The following RBM41 variants were observed in gnomAD, a reference collection of about 807,000 sequenced individuals.
RBM41 encodes RNA-binding protein 41.
In RBM41, 14 loss-of-function variants were observed where a neutral mutation model predicts 30.8. The observed-to-expected ratio is 0.45, with a 90% CI of 0.30 to 0.71. RBM41 has a LOEUF of 0.71. RBM41 is among the 30% of genes least tolerant of loss of function. The pLI is 0.08. For missense variants in RBM41, 276 were observed against 326.3 expected (o/e 0.85, Z 1.19); for synonymous variants, 120 against 110.1 (o/e 1.09, Z -0.56).
At chrX:107,052,976 C>T in the RBM41 span, among the ~76,000 whole-genome samples, 1 of 112,302 alleles carries the variant, frequency 8.9e-6, no homozygotes, top group Admixed American at 9.4e-5. Context: ...GTTAGCAAGT[C>T]TAAAGCTCTT....
At chrX:107,087,626 C>T (rs1426845435) in intron 6 of RBM41, among the ~76,000 whole-genome samples, 5 of 111,052 alleles carry the variant, frequency 4.5e-5, no homozygotes, top group East Asian at 5.6e-4. Flanking sequence ...TTTTTTGAGA[C>T]GAAGTCTCGG....
chrX:107,104,440 G>A (rs1015445340), intron 5 of RBM41, among the ~76,000 whole-genome samples: 3 of 110,741 alleles, frequency 2.7e-5, no homozygotes, highest in Non-Finnish European at 5.7e-5. Context: ...TCTTTTCTGT[G>A]TGTTTGAAAA....
At position 107,088,420 on chromosome X, in the gene RBM41, T is replaced by C. The variant is rs1051135978; in HGVS notation, c.999+16A>G. 1 of 1,187,941 alleles carries C rather than the reference T, an allele frequency of 8.4e-7. No homozygotes were observed. The highest frequency in any genetic ancestry group is 1.8e-5 in the African/African-American group (1 of 56,290). On this transcript the variant is annotated intron_variant, in intron 6 of 7. Coordinates refer to ENST00000685964, the MANE Select transcript of RBM41 (RefSeq NM_001324242.2). ...GCGAAATCAACCCAGGTTGTTTTAC[T>C]TGGTTTGGCCTATACCTTGTTTGGT...
At chrX:107,077,317 G>T (rs1298257041) in intron 6 of RBM41, among the ~76,000 whole-genome samples, 1 of 111,114 alleles carries the variant, frequency 9.0e-6, no homozygotes, top group African/African-American at 3.3e-5. Context: ...ATTTTTAGTA[G>T]AAATGGGGTT....
At chrX:107,077,346 T>C (rs1023129427) in intron 6 of RBM41, among the ~76,000 whole-genome samples, 2 of 111,245 alleles carry the variant, frequency 1.8e-5, no homozygotes, top group African/African-American at 3.3e-5. Context: ...TTAGCCAGGC[T>C]GGTCTCGAAT....
chrX:107,075,431 C>T (rs1363181141), intron 6 of RBM41, among the ~76,000 whole-genome samples: 1 of 111,619 alleles, frequency 9.0e-6, no homozygotes, highest in Non-Finnish European at 1.9e-5. Flanking sequence ...ACTAAAAAGC[C>T]CTGCACAGCA....
At chrX:107,071,148 C>A (rs1351091865) in intron 6 of RBM41, among the ~76,000 whole-genome samples, 1 of 106,595 alleles carries the variant, frequency 9.4e-6, no homozygotes, top group Non-Finnish European at 1.9e-5. Flanking sequence ...TTTTACCATG[C>A]CCTATACCTA....
intron 5 of RBM41, 30 bp from the exon 6 acceptor site, chrX:107,088,869 C>T (rs1397838418): frequency 8.6e-7 from 1 of 1,162,170 alleles, no homozygotes; most frequent in Admixed American, 2.5e-5. Context: ...TAGGGAAGTT[C>T]TACAAAGCCT....
chrX:107,057,039 T>A (rs1370794821), downstream of RBM41, among the ~76,000 whole-genome samples: 4 of 110,090 alleles, frequency 3.6e-5, no homozygotes, highest in Admixed American at 3.9e-4. Flanking sequence ...AGCTAATTTT[T>A]AAATTTTTTT....
chrX:107,081,397 C>A (rs950920819), intron 6 of RBM41, among the ~76,000 whole-genome samples: 2 of 111,743 alleles, frequency 1.8e-5, no homozygotes, highest in African/African-American at 3.2e-5. Context: ...TTTCCCTCAG[C>A]AACACCACAC....
intron 4 of RBM41, 129 bp downstream of exon 4, chrX:107,115,223 T>C (rs1319447451): frequency 3.9e-5 from 26 of 666,031 alleles, no homozygotes; most frequent in East Asian, 3.2e-4. Flanking sequence ...TATGGTATTA[T>C]ACATTTCTCA....
At chrX:107,052,947 G>T in the RBM41 span, among the ~76,000 whole-genome samples, 1 of 112,045 alleles carries the variant, frequency 8.9e-6, no homozygotes, top group Admixed American at 9.5e-5. Context: ...AAAATAAACA[G>T]GTTCCCCCTC....
intron 5 of RBM41, among the ~76,000 whole-genome samples, chrX:107,098,122 A>G (rs1257595562): frequency 8.9e-6 from 1 of 112,297 alleles, no homozygotes; most frequent in Non-Finnish European, 1.9e-5. Context: ...GAAGAAATAG[A>G]AAACAGAAAA....
intron 6 of RBM41, among the ~76,000 whole-genome samples, chrX:107,075,135 G>A (rs750461706): frequency 2.7e-4 from 30 of 111,955 alleles, no homozygotes; most frequent in African/African-American, 3.9e-4. Context: ...TCTTCTACAA[G>A]TGTCCCAAGA....
intron 5 of RBM41, among the ~76,000 whole-genome samples, chrX:107,108,959 A>C (rs774294899): frequency 3.0e-4 from 34 of 111,933 alleles, no homozygotes; most frequent in African/African-American, 1.0e-3. Flanking sequence ...ATTACAGTAG[A>C]AAGTATGGGA....
At chrX:107,052,180 A>AG in the RBM41 span, among the ~76,000 whole-genome samples, 1 of 111,795 alleles carries the variant, frequency 8.9e-6, no homozygotes, top group African/African-American at 3.3e-5. Context: ...ATACAAAGGG[A>AG]GGGGACCCAA....
chrX:107,084,929 A>C (rs1278916689), intron 6 of RBM41, among the ~76,000 whole-genome samples: 3 of 112,299 alleles, frequency 2.7e-5, no homozygotes, highest in Non-Finnish European at 3.8e-5. Context: ...GTTCAAAATT[A>C]TGTTTGTGAG....
chrX:107,090,731 G>C (rs1009620434), intron 5 of RBM41, among the ~76,000 whole-genome samples: 5 of 111,372 alleles, frequency 4.5e-5, no homozygotes, highest in Admixed American at 9.5e-5. Flanking sequence ...CTTTTCAGTG[G>C]ACAAAAGCTA....
intron 6 of RBM41, among the ~76,000 whole-genome samples, chrX:107,075,887 T>C (rs1453368640): frequency 2.7e-5 from 3 of 111,923 alleles, no homozygotes; most frequent in Non-Finnish European, 5.6e-5. Flanking sequence ...TGGGTATTTA[T>C]CCAAAAGAGC....
Sources: gnomAD v4.1 joint callset for allele counts (sites outside exome capture counted in the v4.1 genomes callset) on GRCh38, gnomAD v4.1.1 for gene constraint, MANE v1.5 for transcripts, NCBI Gene and HGNC (gene_info 2026-07-23, HGNC 2026-07-21) for gene names.